Variants in MLPH observed in about 807,000 individuals in gnomAD.
MLPH encodes melanophilin.
In MLPH, 51 loss-of-function variants were observed where a neutral mutation model predicts 72.1. The ratio of observed to expected loss-of-function variants is 0.71; its 90% CI spans 0.56 to 0.89. The LOEUF (loss-of-function observed/expected upper bound fraction) is 0.89. Ranked by LOEUF, MLPH falls within the 40% of genes least tolerant of loss-of-function variation. The pLI is 0.00. For missense variants in MLPH, 743 were observed against 759.9 expected (o/e 0.98, Z 0.26); for synonymous variants, 301 against 310.1 (o/e 0.97, Z 0.31).
In MLPH at chr2:237,518,428, G is replaced by A. The variant is rs777740394; in HGVS notation, c.446-111G>A. ...GTGGGTGAATGGATGAAGGAGGGAGGGATGGGCAGGTAGATGGATAGATTA... is the reference window on the plus strand; with the variant it reads ...GTGGGTGAATGGATGAAGGAGGGAGAGATGGGCAGGTAGATGGATAGATTA... On this transcript the variant is annotated intron_variant, in intron 4 of 15. Coordinates refer to ENST00000264605, the MANE Select transcript of MLPH (RefSeq NM_024101.7). 8 of 840,520 alleles carry A rather than the reference G, an allele frequency of 9.5e-6. No individual in the cohort carries two copies. In the African/African-American group the frequency reaches 1.4e-4, roughly 14 times the overall value. The allele number at this position is 840,520 out of a possible 1,614,324, so 52.1% of individuals were successfully genotyped here.
At chr2:237,548,222 G>T (rs2080959263) in intron 13 of MLPH, among the ~76,000 whole-genome samples, 1 of 152,202 alleles carries the variant, frequency 6.6e-6, no homozygotes, top group Admixed American at 6.5e-5. Context: ...TCTGGTGGGG[G>T]CGCTTCCACC....
Position 237,519,930 on chromosome 2 carries a change from C to G in MLPH, c.576C>G (p.Val192=). The change falls in exon 6 of 16, where the codon GTC becomes GTG. Residue 192 remains valine, a synonymous_variant. Coordinates refer to ENST00000264605, the MANE Select transcript of MLPH (RefSeq NM_024101.7). ...FGSKKKRLLS[V]HDFDFEGDSD... is the part of the protein sequence containing the mutation. ...CTAAGAAAAAGCGCCTCCTCTCCGT[C>G]CACGACTTCGACTTCGAGGGAGACT... 1 of 1,614,044 alleles carries G rather than the reference C, an allele frequency of 6.2e-7. No homozygotes were observed. The highest frequency in any genetic ancestry group is 8.5e-7 in the Non-Finnish European group (1 of 1,180,026).
chr2:237,538,481 A>G (rs371112736), intron 9 of MLPH, among the ~76,000 whole-genome samples: 3 of 152,148 alleles, frequency 2.0e-5, no homozygotes, highest in South Asian at 2.1e-4. Flanking sequence ...GCAGATAAAA[A>G]TCTCTCGGGT....
In MLPH at chr2:237,549,947, C is replaced by A. The variant is rs368731642; in HGVS notation, c.1675+669C>A. Among the ~76,000 whole-genome samples, 94 of 152,374 alleles carry A rather than the reference C, an allele frequency of 6.2e-4. 1 individual carries two copies. The South Asian group carries it at 0.019, about 30-fold the overall frequency. On this transcript the variant is annotated intron_variant, in intron 14 of 15. Coordinates refer to ENST00000264605, the MANE Select transcript of MLPH (RefSeq NM_024101.7). ...TGTGTGTCCCTCCTCTGCTCACAAG[C>A]AATCCTTGGCTCCCAACTGCCTGCA...
chr2:237,498,119 G>A (rs2079573491), intron 2 of MLPH, among the ~76,000 whole-genome samples: 1 of 152,188 alleles, frequency 6.6e-6, no homozygotes, highest in Non-Finnish European at 1.5e-5. Flanking sequence ...CTTGGAAAGA[G>A]CTTTACTACC....
At position 237,540,452 on chromosome 2, in the gene MLPH, C is replaced by T. The variant is rs75576106; in HGVS notation, c.1209C>T (p.Ser403=). Residue 403 remains serine (S), a synonymous_variant, in exon 10 of 16, where the codon TCC becomes TCT. Transcript: ENST00000264605. The stretch of plus-strand genomic sequence containing the variant: ...ACGTCAGTGACCAGGAGACCTCGTC[C>T]GAGGAGGAGGAAGCCAAGGACGAAA... ...TSNVSDQETS[S]EEEEAKDEKA... 2.8e-4 allele frequency: 456 copies of T among 1,612,720 alleles called. 1 individual carries two copies. The East Asian group carries it at 7.8e-3, about 28-fold the overall frequency.
chr2:237,551,560 A>G (rs1050917126), intron 14 of MLPH, among the ~76,000 whole-genome samples: 4 of 152,240 alleles, frequency 2.6e-5, no homozygotes, highest in African/African-American at 7.2e-5. Context: ...AGCCACCTGG[A>G]CACCAACACT....
intron 4 of MLPH, among the ~76,000 whole-genome samples, chr2:237,515,427 G>A (rs941654112): frequency 6.6e-6 from 1 of 152,192 alleles, no homozygotes; most frequent in Non-Finnish European, 1.5e-5. Context: ...GGACACTTGT[G>A]CCTCTGGGAG....
Position 237,553,699 on chromosome 2 carries a change from A to G in MLPH, c.*107A>G. On this transcript the variant is annotated 3_prime_UTR_variant, in exon 16 of 16. Coordinates refer to ENST00000264605, the MANE Select transcript of MLPH (RefSeq NM_024101.7). ...TTCCACTATACACAGTCACCGTCCC[A>G]ATGAGAAACAAGAAGGAGCACCCTC... The G allele has an allele frequency of 6.7e-7, 1 of 1,497,312 alleles. No individual in the cohort carries two copies. Among genetic ancestry groups the G allele is most frequent in the Non-Finnish European group, 9.3e-7 (1 of 1,073,644 alleles). 92.8% of individuals were successfully genotyped at this position (1,497,312 alleles called of 1,614,324 possible). A position where few individuals can be genotyped will look rare whatever the true frequency, so the allele number is the denominator to read the frequency against.
At chr2:237,548,478 C>T (rs2080964037) in intron 13 of MLPH, among the ~76,000 whole-genome samples, 1 of 152,136 alleles carries the variant, frequency 6.6e-6, no homozygotes, top group Non-Finnish European at 1.5e-5. Context: ...TCACAGGGAC[C>T]CAGGAATCGT....
At chr2:237,547,182 C>T (rs2080938972) in intron 13 of MLPH, among the ~76,000 whole-genome samples, 1 of 152,398 alleles carries the variant, frequency 6.6e-6, no homozygotes, top group East Asian at 1.9e-4. Flanking sequence ...CTGGGGACTT[C>T]TTCCATCTGG....
At chr2:237,506,104 G>A (rs575919777) in intron 2 of MLPH, among the ~76,000 whole-genome samples, 47 of 152,116 alleles carry the variant, frequency 3.1e-4, no homozygotes, top group African/African-American at 8.2e-4. Context: ...TTGGGCCTCA[G>A]GACCCCTTCA....
chr2:237,504,103 G>A (rs2079711948), intron 2 of MLPH, among the ~76,000 whole-genome samples: 1 of 152,224 alleles, frequency 6.6e-6, no homozygotes, highest in African/African-American at 2.4e-5. Context: ...GCTCCAGGAG[G>A]TGCCACAATC....
chr2:237,520,502 C>T (rs1282983435), intron 6 of MLPH, among the ~76,000 whole-genome samples: 2 of 152,206 alleles, frequency 1.3e-5, no homozygotes, highest in African/African-American at 2.4e-5. Context: ...AATGATCACA[C>T]CTAGACACAG....
At chr2:237,501,161 C>T (rs2079639326) in intron 2 of MLPH, among the ~76,000 whole-genome samples, 1 of 152,162 alleles carries the variant, frequency 6.6e-6, no homozygotes, top group Non-Finnish European at 1.5e-5. Context: ...TCCCTGCCGG[C>T]ATCTAAGCCC....
intron 9 of MLPH, 30 bp from the exon 10 acceptor site, chr2:237,540,318 G>C: frequency 1.2e-6 from 2 of 1,611,972 alleles, no homozygotes; most frequent in Non-Finnish European, 1.7e-6. Context: ...ATGGCTAGCC[G>C]AATCCAAATC....
intron 2 of MLPH, among the ~76,000 whole-genome samples, chr2:237,500,573 T>A (rs1300031351): frequency 6.6e-6 from 1 of 152,150 alleles, no homozygotes; most frequent in Non-Finnish European, 1.5e-5. Flanking sequence ...CAGAGACACA[T>A]CCTCTGAACT....
chr2:237,505,625 C>T lies in MLPH; in HGVS notation c.111-4949C>T, dbSNP rs2079751948. ...CCACACCCCTGTCTAGATTTCACCC[C>T]AAGAGGGGCAGAGCAGGGCACAGGT... On this transcript the variant is annotated intron_variant, in intron 2 of 15. Coordinates refer to ENST00000264605, the MANE Select transcript of MLPH (RefSeq NM_024101.7). The surrounding 1 kb of genome is among the most constrained non-coding windows in gnomAD (Gnocchi z 4.5). Among the ~76,000 whole-genome samples, 1 of 152,220 alleles carries T rather than the reference C, an allele frequency of 6.6e-6. No individual in the cohort carries two copies. The highest frequency in any genetic ancestry group is 2.4e-5 in the African/African-American group (1 of 41,452).
At position 237,493,119 on chromosome 2, in the gene MLPH, C is replaced by A. The variant is rs564462580; in HGVS notation, c.-24-284C>A. On this transcript the variant is annotated intron_variant, in intron 1 of 15. Transcript: ENST00000264605. ...TGCCCCTGGATGGGGAGATCACTGA[C>A]GTTCATCCCACAGTGGAAAGAAAAT... Among the ~76,000 whole-genome samples, 6 of 152,282 alleles carry A rather than the reference C, an allele frequency of 3.9e-5. No individual in the cohort carries two copies. The East Asian group carries it at 1.2e-3, about 29-fold the overall frequency.
Sources: allele counts gnomAD v4.1 joint callset (sites outside exome capture counted in the v4.1 genomes callset), GRCh38; gene constraint gnomAD v4.1.1; non-coding constraint Gnocchi (gnomAD v3.1); transcripts MANE v1.5; gene names NCBI Gene and HGNC (gene_info 2026-07-23, HGNC 2026-07-21).